DDX50: variants seen among roughly 807,000 people sequenced by gnomAD.
DDX50 encodes DExD-box helicase 50.
Under a neutral mutation model 94.8 loss-of-function variants are expected in DDX50, and 56 were observed. That is an observed-to-expected ratio of 0.59 (90% CI 0.48 to 0.74). The LOEUF is 0.74. DDX50 is among the 30% of genes least tolerant of loss of function. The pLI is 0.00. For missense variants in DDX50, 713 were observed against 881.2 expected, an observed-to-expected ratio of 0.81 and a Z score of 2.42; for synonymous variants, 264 against 295.4, an observed-to-expected ratio of 0.89 and a Z score of 1.09.
chr10:68,929,411 CCTTT>C (rs1842190485), intron 8 of DDX50, among the ~76,000 whole-genome samples: 1 of 148,050 alleles, frequency 6.8e-6, no homozygotes. Context: ...TTTCTTCCTT[CCTTT>C]CTTTCCTTCT....
rs1842543779 is a variant in DDX50, at chr10:68,941,143, T to C, written c.1839T>C (p.Ser613=). The change falls in exon 13 of 15, where the codon AGT becomes AGC. Residue 613 remains serine, a synonymous_variant. Transcript: ENST00000373585. ...GGAAAGAACTTAACAGAAAGCTGAG[T>C]AGTAATGCAGTGTCTCAGATTACCA... ...CAWKELNRKL[S]SNAVSQITRM... 1 of 1,613,242 alleles carries C rather than the reference T, an allele frequency of 6.2e-7. No individual in the cohort carries two copies. The highest frequency in any genetic ancestry group is 1.3e-5 in the African/African-American group (1 of 74,882).
At chr10:68,936,521 T>G (rs1203619076) in intron 11 of DDX50, among the ~76,000 whole-genome samples, 1 of 34,404 alleles carries the variant, frequency 2.9e-5, no homozygotes, top group Non-Finnish European at 4.7e-5. Context: ...AAAAAATATA[T>G]ATATATATAT....
intron 8 of DDX50, among the ~76,000 whole-genome samples, chr10:68,929,300 T>TTC (rs1564612627): frequency 0.018 from 1,591 of 89,684 alleles, 12 homozygotes; most frequent in South Asian, 0.031. Context: ...TTCCTCTCTC[T>TTC]CTCTCTCTCT....
At chr10:68,930,479 T>C (rs1391050166) in intron 8 of DDX50, among the ~76,000 whole-genome samples, 1 of 152,196 alleles carries the variant, frequency 6.6e-6, no homozygotes, top group Non-Finnish European at 1.5e-5. Flanking sequence ...ATAATGTATC[T>C]CTTTCCTTTA....
chr10:68,905,408 C>T (rs972127758), intron 1 of DDX50, among the ~76,000 whole-genome samples: 2 of 150,320 alleles, frequency 1.3e-5, no homozygotes, highest in East Asian at 3.9e-4. Context: ...AACAATTGGA[C>T]TTCTATATGA....
chr10:68,922,793 TCTC>T (rs1195801832), intron 8 of DDX50, among the ~76,000 whole-genome samples: 1 of 133,088 alleles, frequency 7.5e-6, no homozygotes, highest in Non-Finnish European at 1.7e-5. Flanking sequence ...ACCCTTTCTC[TCTC>T]TTTTTTTTTT....
chr10:68,928,563 T>C (rs1842151353), intron 8 of DDX50, among the ~76,000 whole-genome samples: 1 of 152,170 alleles, frequency 6.6e-6, no homozygotes, highest in Non-Finnish European at 1.5e-5. Flanking sequence ...ATTTCTTTTC[T>C]TGAAGCAAGG....
intron 8 of DDX50, among the ~76,000 whole-genome samples, chr10:68,931,848 G>A (rs191387899): frequency 6.6e-6 from 1 of 151,836 alleles, no homozygotes; most frequent in African/African-American, 2.4e-5. Flanking sequence ...CCTCATCCCC[G>A]CTCCCTTTTC....
chr10:68,923,153 A>G (rs1394215417), intron 8 of DDX50, among the ~76,000 whole-genome samples: 1 of 145,862 alleles, frequency 6.9e-6, no homozygotes, highest in Non-Finnish European at 1.5e-5. Context: ...GTGTGTGTAT[A>G]TATACATATA....
rs143586642 is a variant in DDX50, at chr10:68,902,128, C to T, written c.87+657C>T. Among the ~76,000 whole-genome samples, 3 of 147,294 alleles carry T rather than the reference C, an allele frequency of 2.0e-5. No individual in the cohort carries two copies. The Admixed American group carries it at 2.1e-4, about 10-fold the overall frequency. On this transcript the variant is annotated intron_variant, in intron 1 of 14. Coordinates refer to ENST00000373585, the MANE Select transcript of DDX50 (RefSeq NM_024045.2). ...TAAACTAAATAAGTAAAGAAATGGT[C>T]TCTGCTCTCAAGGAGCCTGTAGAGG...
chr10:68,932,962 A>C (rs1167665428), intron 8 of DDX50, among the ~76,000 whole-genome samples: 1 of 152,174 alleles, frequency 6.6e-6, no homozygotes, highest in Admixed American at 6.6e-5. Flanking sequence ...TTTGACCCAG[A>C]AATTCAACTT....
At chr10:68,906,212 C>CT (rs1450421302) in intron 1 of DDX50, 1 of 152,384 alleles carries the variant, frequency 6.6e-6, no homozygotes, top group Non-Finnish European at 1.5e-5. Flanking sequence ...ACAAAAAAAA[C>CT]TTTCGGTTTT....
intron 14 of DDX50, among the ~76,000 whole-genome samples, chr10:68,943,563 A>C (rs1442445032): frequency 6.6e-6 from 1 of 152,100 alleles, no homozygotes; most frequent in East Asian, 1.9e-4. Context: ...ATGTCTGGCT[A>C]ACATGAGCCA....
intron 8 of DDX50, among the ~76,000 whole-genome samples, chr10:68,930,583 C>G (rs1039624028): frequency 4.6e-5 from 7 of 151,804 alleles, no homozygotes; most frequent in African/African-American, 1.5e-4. Context: ...CCTCTACTTA[C>G]CTTTCCAGCC....
chr10:68,925,608 G>C (rs1842062905), intron 8 of DDX50, among the ~76,000 whole-genome samples: 1 of 152,114 alleles, frequency 6.6e-6, no homozygotes, highest in Non-Finnish European at 1.5e-5. Context: ...TATAGGCCAG[G>C]CATGCCTGTA....
chr10:68,931,196 G>A (rs1001903457), intron 8 of DDX50, among the ~76,000 whole-genome samples: 2 of 151,698 alleles, frequency 1.3e-5, no homozygotes, highest in African/African-American at 4.8e-5. Context: ...TATGAGGACA[G>A]AAGCAGTCTT....
At chr10:68,939,789 C>T (rs957910055) in intron 12 of DDX50, among the ~76,000 whole-genome samples, 1 of 152,092 alleles carries the variant, frequency 6.6e-6, no homozygotes, top group Non-Finnish European at 1.5e-5. Flanking sequence ...TATTCCTGTT[C>T]GTGACGCTTA....
Position 68,946,587 on chromosome 10 carries a change from G to C in DDX50, c.2171G>C (p.Arg724Thr), listed in dbSNP as rs545896881. The stretch of plus-strand genomic sequence containing the variant: ...GATGGTAGAAGACGAAGTGGGAATA[G>C]AAATCGATCAAGAAGTGGGGGCCAC... ...RQDGRRRSGN[R>T]NRSRSGGHKR... Residue 724 changes from arginine (R) to threonine (T), a missense_variant, in exon 15 of 15, where the codon AGA becomes ACA. Coordinates refer to ENST00000373585, the MANE Select transcript of DDX50 (RefSeq NM_024045.2). 9.9e-6 allele frequency: 16 copies of C among 1,614,154 alleles called. No homozygotes were observed. In the East Asian group the frequency reaches 3.6e-4, roughly 36 times the overall value.
chr10:68,925,414 C>G (rs1796876474), intron 8 of DDX50, among the ~76,000 whole-genome samples: 1 of 151,994 alleles, frequency 6.6e-6, no homozygotes. Flanking sequence ...CCAGCCTCTG[C>G]TTATGTTTTA....
Sources: gnomAD v4.1 joint callset for allele counts (sites outside exome capture counted in the v4.1 genomes callset) on GRCh38, gnomAD v4.1.1 for gene constraint, MANE v1.5 for transcripts, NCBI Gene and HGNC (gene_info 2026-07-23, HGNC 2026-07-21) for gene names.